ORC3: variants seen among roughly 807,000 people sequenced by gnomAD.
ORC3 encodes the protein origin recognition complex subunit 3, also known as homolog of latheo, Drosophila.
Under a neutral mutation model 100.7 loss-of-function variants are expected in ORC3, and 78 were observed. That is an observed-to-expected ratio of 0.77 (90% CI 0.65 to 0.94). ORC3 has a LOEUF of 0.94. Ranked by LOEUF, ORC3 falls within the 40% of genes least tolerant of loss-of-function variation. ORC3 has a pLI of 0.00. For synonymous variants in ORC3, 295 were observed against 289.3 expected, an observed-to-expected ratio of 1.02 and a Z score of -0.20; for missense variants, 789 against 823.9, an observed-to-expected ratio of 0.96 and a Z score of 0.52.
At chr6:87,655,432 G>A (rs1402604678) in intron 14 of ORC3, among the ~76,000 whole-genome samples, 2 of 150,356 alleles carry the variant, frequency 1.3e-5, no homozygotes, top group Non-Finnish European at 1.5e-5. Context: ...GCTCACTGCA[G>A]CCTATACCTC....
chr6:87,638,852 G>T (rs907611853), intron 13 of ORC3, among the ~76,000 whole-genome samples: 3 of 151,800 alleles, frequency 2.0e-5, no homozygotes, highest in African/African-American at 7.3e-5. Flanking sequence ...TAAGTGTTAA[G>T]TACTTATATG....
chr6:87,637,155 T>A (rs1767892648), intron 13 of ORC3, among the ~76,000 whole-genome samples: 1 of 152,218 alleles, frequency 6.6e-6, no homozygotes. Context: ...GCCAGTTTTA[T>A]AATTTTCCTC....
intron 14 of ORC3, among the ~76,000 whole-genome samples, chr6:87,655,668 T>TA (rs200243120): frequency 1.7e-4 from 25 of 146,012 alleles, no homozygotes; most frequent in South Asian, 4.4e-4. Context: ...TTATTATTAT[T>TA]TTTTTTTTTT....
chr6:87,636,602 T>G (rs1767850918), intron 13 of ORC3, 116 bp downstream of exon 13: 1 of 667,094 alleles, frequency 1.5e-6, no homozygotes, highest in African/African-American at 1.8e-5. Context: ...ATGTTGTGTC[T>G]AAGAATATTT....
chr6:87,591,331 T>C (rs1199441727), intron 1 of ORC3, among the ~76,000 whole-genome samples: 1 of 152,186 alleles, frequency 6.6e-6, no homozygotes, highest in Non-Finnish European at 1.5e-5. Flanking sequence ...GTTAAAACAA[T>C]GGATTGATGA....
chr6:87,640,799 G>T (rs1253064828), intron 13 of ORC3, among the ~76,000 whole-genome samples: 1 of 152,078 alleles, frequency 6.6e-6, no homozygotes, highest in African/African-American at 2.4e-5. Context: ...GGTTTTAAGG[G>T]TTATTGTAAA....
intron 9 of ORC3, among the ~76,000 whole-genome samples, 192 bp downstream of exon 9, chr6:87,616,619 A>G (rs897783072): frequency 2.0e-5 from 3 of 152,186 alleles, no homozygotes; most frequent in East Asian, 3.8e-4. Flanking sequence ...ACTCATTAGG[A>G]TATCAATAAT....
chr6:87,635,791 A>G (rs112844124), intron 12 of ORC3, among the ~76,000 whole-genome samples: 60 of 150,934 alleles, frequency 4.0e-4, no homozygotes, highest in African/African-American at 1.1e-3. Context: ...GACTCCGTCT[A>G]AAAAAAAAGA....
In ORC3 at chr6:87,656,942, CA is replaced by C; in HGVS notation, c.1556del (p.Lys519ArgfsTer18). 6.2e-7 allele frequency: 1 copy of C among 1,613,230 alleles called. No homozygotes were observed. Among genetic ancestry groups the C allele is most frequent in the Non-Finnish European group, 8.5e-7 (1 of 1,179,348 alleles). On this transcript the variant is annotated frameshift_variant, in exon 15 of 20. Coordinates refer to ENST00000392844, the MANE Select transcript of ORC3 (RefSeq NM_012381.4). LOFTEE classifies it high-confidence loss of function. ...KEEEDASGSQ[P>X]KGLQKTDLYH... is the part of the protein sequence containing the mutation. ...GAAGAAGATGCTTCTGGGTCACAGC[CA>C]AAGGGGCTTCAGAAGACAGACCTCT...
intron 8 of ORC3, among the ~76,000 whole-genome samples, chr6:87,614,413 G>T (rs916356900): frequency 6.6e-6 from 1 of 152,176 alleles, no homozygotes; most frequent in Non-Finnish European, 1.5e-5. Flanking sequence ...ACATGCCCTG[G>T]AGATATTTTC....
the ORC3 span, among the ~76,000 whole-genome samples, chr6:87,673,280 C>A: frequency 6.6e-6 from 1 of 150,650 alleles, no homozygotes; most frequent in African/African-American, 2.4e-5. Flanking sequence ...CGTGCTTCAG[C>A]CTCCCAAGTA....
At chr6:87,643,319 G>A (rs944011153) in intron 13 of ORC3, among the ~76,000 whole-genome samples, 2 of 151,522 alleles carry the variant, frequency 1.3e-5, no homozygotes, top group Admixed American at 1.3e-4. Flanking sequence ...TGTTTCAGCA[G>A]GAATTTGCAT....
At chr6:87,637,585 T>C (rs1767922506) in intron 13 of ORC3, among the ~76,000 whole-genome samples, 1 of 152,234 alleles carries the variant, frequency 6.6e-6, no homozygotes, top group Non-Finnish European at 1.5e-5. Context: ...TAAATATACC[T>C]ATCTTATATA....
Position 87,653,150 on chromosome 6 carries a change from G to A in ORC3, c.1417G>A (p.Glu473Lys). Residue 473 changes from glutamate (E) to lysine (K), a missense_variant, in exon 14 of 20, where the codon GAG (glutamate) becomes AAG (lysine). Physicochemically the swap from Glu to Lys is moderately conservative, Grantham distance 56 (BLOSUM62 1). This residue lies in a region of ORC3 where 366 missense variants were observed against 394.2 expected (regional missense o/e 0.93). Coordinates refer to ENST00000392844, the MANE Select transcript of ORC3 (RefSeq NM_012381.4). ...AAAGGATGAACTGATGACCATACTT[G>A]AGAAATGTTTCAAGGTTTTTAAGTC... is the stretch of plus-strand genomic sequence containing the variant. Reference protein sequence around the residue: ...LAKDELMTILEKCFKVFKSYC... With the variant: ...LAKDELMTILKKCFKVFKSYC... 1.2e-6 allele frequency: 2 copies of A among 1,613,578 alleles called. No homozygotes were observed. Among genetic ancestry groups the A allele is most frequent in the Non-Finnish European group, 1.7e-6 (2 of 1,179,544 alleles).
intron 11 of ORC3, among the ~76,000 whole-genome samples, chr6:87,624,395 A>C (rs754393584): frequency 1.3e-5 from 2 of 152,126 alleles, no homozygotes; most frequent in Non-Finnish European, 2.9e-5. Flanking sequence ...GAGGCAGGAG[A>C]ATCACTTGAA....
chr6:87,592,805 T>C lies in ORC3; in HGVS notation c.25-1548T>C, dbSNP rs572976384. Among the ~76,000 whole-genome samples, 41 of 151,404 alleles carry C rather than the reference T, an allele frequency of 2.7e-4. No individual in the cohort carries two copies. In the South Asian group the frequency reaches 7.6e-3, roughly 28 times the overall value. ...AGAAATCGAAATATTTAAGAAGTTA[T>C]CCATCAGGCCGGGTGCAGTGGCTCA... On this transcript the variant is annotated intron_variant, in intron 1 of 19. Transcript: ENST00000392844.
chr6:87,595,163 C>T (rs1467509235), intron 2 of ORC3: 3 of 152,210 alleles, frequency 2.0e-5, no homozygotes, highest in African/African-American at 7.2e-5. Context: ...GGTCTTGGAT[C>T]TCTTACAGTA....
chr6:87,662,919 C>T, intron 16 of ORC3, 84 bp from the exon 17 acceptor site: 1 of 868,182 alleles, frequency 1.2e-6, no homozygotes, highest in Non-Finnish European at 1.6e-6. Flanking sequence ...TCCAACAGAG[C>T]TTAAAGGAAA....
At chr6:87,639,920 T>A (rs1768111323) in intron 13 of ORC3, among the ~76,000 whole-genome samples, 1 of 151,688 alleles carries the variant, frequency 6.6e-6, no homozygotes, top group Admixed American at 6.6e-5. Context: ...TCACTTGAGC[T>A]TGGGAGGCAA....
Sources: gnomAD v4.1 joint callset for allele counts (sites outside exome capture counted in the v4.1 genomes callset) on GRCh38, gnomAD v4.1.1 for gene constraint, gnomAD v4.1.1 regional missense constraint, MANE v1.5 for transcripts, NCBI Gene and HGNC (gene_info 2026-07-23, HGNC 2026-07-21) for gene names.